Variants in TOX2 observed in about 807,000 individuals in gnomAD.
TOX2 encodes TOX high mobility group box family member 2.
TOX2 carries 15 observed loss-of-function variants against 47.4 expected under a neutral mutation model. That is an observed-to-expected ratio of 0.32 (90% CI 0.21 to 0.49). The LOEUF (loss-of-function observed/expected upper bound fraction) is 0.49. Among genes scored for constraint, TOX2 ranks in the 20% least tolerant of loss-of-function variants. TOX2 has a pLI of 0.99. For synonymous variants in TOX2, 290 were observed against 296.6 expected (o/e 0.98, Z 0.23); for missense variants, 622 against 673.1 (o/e 0.92, Z 0.84).
chr20:44,051,228 C>G, intron 3 of TOX2, 78 bp from the exon 4 acceptor site: 5 of 1,517,558 alleles, frequency 3.3e-6, no homozygotes, highest in Non-Finnish European at 4.4e-6. Flanking sequence ...ATTCCCTCCT[C>G]TAAGTCCGCT....
chr20:43,922,333 C>T (rs553268286), intron 1 of TOX2, among the ~76,000 whole-genome samples: 60 of 152,296 alleles, frequency 3.9e-4, no homozygotes, highest in African/African-American at 1.3e-3. Flanking sequence ...CATCACCCTG[C>T]CCCCAGTCGT....
At position 43,916,687 on chromosome 20, in the gene TOX2, A is replaced by G. The variant is rs1219542413; in HGVS notation, c.99+1697A>G. Among the ~76,000 whole-genome samples, 2 of 151,884 alleles carry G rather than the reference A, an allele frequency of 1.3e-5. No individual in the cohort carries two copies. Among genetic ancestry groups the G allele is most frequent in the Non-Finnish European group, 2.9e-5 (2 of 67,994 alleles). On this transcript the variant is annotated intron_variant, in intron 1 of 8. Coordinates refer to ENST00000341197, the MANE Select transcript of TOX2 (RefSeq NM_001098797.2). The surrounding 1 kb of genome is among the most constrained non-coding windows in gnomAD (Gnocchi z 5.0). ...TCTGTCTTCTGCCCTTGGCTTTGTTATTTTTCAAAATGTGAAGTTGGCGAG... is the reference window on the plus strand; with the variant it reads ...TCTGTCTTCTGCCCTTGGCTTTGTTGTTTTTCAAAATGTGAAGTTGGCGAG...
chr20:43,973,990 T>A (rs1377005822), intron 2 of TOX2, among the ~76,000 whole-genome samples: 1 of 151,582 alleles, frequency 6.6e-6, no homozygotes, highest in Non-Finnish European at 1.5e-5. Context: ...CTCTGGGGGG[T>A]CATAGTTGCC....
At chr20:44,041,240 A>G (rs78628404) in intron 3 of TOX2, among the ~76,000 whole-genome samples, 1 of 152,282 alleles carries the variant, frequency 6.6e-6, no homozygotes, top group East Asian at 1.9e-4. Context: ...TTAAGATGTC[A>G]TAGTCTCCTG....
At chr20:43,967,616 T>C (rs902804906) in intron 1 of TOX2, among the ~76,000 whole-genome samples, 1 of 152,018 alleles carries the variant, frequency 6.6e-6, no homozygotes, top group Admixed American at 6.6e-5. Context: ...CACCTATCCA[T>C]TCATCCACTC....
chr20:43,980,164 A>G (rs1396539548), intron 2 of TOX2, among the ~76,000 whole-genome samples: 1 of 152,258 alleles, frequency 6.6e-6, no homozygotes, highest in South Asian at 2.1e-4. Flanking sequence ...AGAATGTGGT[A>G]TTTATACACA....
chr20:44,036,451 C>A (rs1375024569), intron 3 of TOX2, among the ~76,000 whole-genome samples: 1 of 152,254 alleles, frequency 6.6e-6, no homozygotes, highest in Non-Finnish European at 1.5e-5. Context: ...CCTCAGTTTC[C>A]TCATCTGTAA....
intron 3 of TOX2, among the ~76,000 whole-genome samples, chr20:44,018,994 CAG>C (rs2070934065): frequency 6.6e-6 from 1 of 152,204 alleles, no homozygotes; most frequent in South Asian, 2.1e-4. Context: ...GTCTACTCCA[CAG>C]AGTGTGGGAA....
intron 1 of TOX2, among the ~76,000 whole-genome samples, chr20:43,950,561 C>T (rs1283481907): frequency 6.6e-6 from 1 of 151,948 alleles, no homozygotes; most frequent in African/African-American, 2.4e-5. Context: ...CAGCTCCCAT[C>T]TTAGGGCCTG....
intron 3 of TOX2, among the ~76,000 whole-genome samples, chr20:44,047,852 TAAAAAAAAAA>T (rs1198225728): frequency 2.1e-5 from 3 of 141,886 alleles, no homozygotes; most frequent in Non-Finnish European, 3.1e-5. Flanking sequence ...AAAAAAAAAT[TAAAAAAAAAA>T]AAAAAAAAAA....
Position 44,054,351 on chromosome 20 carries a change from CGAAGAA to C in TOX2, c.711_716del (p.Lys240_Lys241del). ...GACCCAGGAAAAAAGGCCAAGAACC[CGAAGAA>C]GAAGAAAAAGAAGGACCCCAATGAG... On this transcript the variant is annotated inframe_deletion, in exon 5 of 9. Coordinates refer to ENST00000341197, the MANE Select transcript of TOX2 (RefSeq NM_001098797.2). 1 of 1,611,980 alleles carries C rather than the reference CGAAGAA, an allele frequency of 6.2e-7. No individual in the cohort carries two copies.
intron 1 of TOX2, among the ~76,000 whole-genome samples, chr20:43,944,442 G>C (rs1422770478): frequency 6.6e-6 from 1 of 152,198 alleles, no homozygotes; most frequent in Non-Finnish European, 1.5e-5. Context: ...AGTCAGTTGT[G>C]TGAAGGTCAG....
intron 2 of TOX2, among the ~76,000 whole-genome samples, chr20:43,973,687 C>G (rs1345813052): frequency 6.6e-6 from 1 of 152,174 alleles, no homozygotes; most frequent in African/African-American, 2.4e-5. Flanking sequence ...AAATGTATTG[C>G]CCATACTCCC....
At chr20:43,945,673 T>A in intron 1 of TOX2, 1 of 483,850 alleles carries the variant, frequency 2.1e-6, no homozygotes. Flanking sequence ...TGCCTCCCCT[T>A]CTGCTCCCCG....
intron 1 of TOX2, among the ~76,000 whole-genome samples, chr20:43,968,389 C>T (rs768296837): frequency 6.6e-6 from 1 of 152,220 alleles, no homozygotes; most frequent in Non-Finnish European, 1.5e-5. Flanking sequence ...ATCAGGGCTC[C>T]TCACCTTGGC....
chr20:43,952,240 T>C (rs2069591892), intron 1 of TOX2, among the ~76,000 whole-genome samples: 2 of 152,050 alleles, frequency 1.3e-5, no homozygotes, highest in African/African-American at 2.4e-5. Flanking sequence ...GGCCTTGCTA[T>C]GTTGCTCAGG....
intron 3 of TOX2, among the ~76,000 whole-genome samples, chr20:44,050,945 C>T (rs1028932832): frequency 6.6e-6 from 1 of 152,188 alleles, no homozygotes; most frequent in Non-Finnish European, 1.5e-5. Context: ...ATCATGCTGA[C>T]TGCTCAGTTC....
At chr20:44,009,067 T>C (rs1323240148) in intron 3 of TOX2, among the ~76,000 whole-genome samples, 1 of 152,226 alleles carries the variant, frequency 6.6e-6, no homozygotes, top group African/African-American at 2.4e-5. Context: ...TTGATTTTCC[T>C]AGCAGAATCT....
intron 1 of TOX2, among the ~76,000 whole-genome samples, chr20:43,923,305 C>T (rs892631706): frequency 2.0e-5 from 3 of 151,582 alleles, no homozygotes; most frequent in Non-Finnish European, 2.9e-5. Context: ...CCATCCTCAA[C>T]GACTGTCTCT....
Sources: allele counts gnomAD v4.1 joint callset (sites outside exome capture counted in the v4.1 genomes callset), GRCh38; gene constraint gnomAD v4.1.1; non-coding constraint Gnocchi (gnomAD v3.1); transcripts MANE v1.5; gene names NCBI Gene and HGNC (gene_info 2026-07-23, HGNC 2026-07-21).